The following DYNC1I1 variants were observed in gnomAD, a reference collection of about 807,000 sequenced individuals.
DYNC1I1 encodes the protein cytoplasmic dynein 1 intermediate chain 1.
In DYNC1I1, 43 loss-of-function variants were observed where a neutral mutation model predicts 86.6. That is an observed-to-expected ratio of 0.50 (90% CI 0.39 to 0.64). DYNC1I1 has a LOEUF of 0.64. Among genes scored for constraint, DYNC1I1 ranks in the 30% least tolerant of loss-of-function variants. The pLI, the probability that DYNC1I1 is intolerant of heterozygous loss-of-function variation, is 0.00. For missense variants in DYNC1I1, 604 were observed against 788.8 expected (o/e 0.77, Z 2.81); for synonymous variants, 262 against 283.7 (o/e 0.92, Z 0.77).
chr7:95,899,284 C>A (rs1255055223), intron 6 of DYNC1I1, among the ~76,000 whole-genome samples: 1 of 152,178 alleles, frequency 6.6e-6, no homozygotes, highest in African/African-American at 2.4e-5. Context: ...AGTAATCTTG[C>A]TCTGCATAAG....
intron 16 of DYNC1I1, among the ~76,000 whole-genome samples, chr7:96,081,110 A>G (rs1024277658): frequency 6.7e-6 from 1 of 149,430 alleles, no homozygotes; most frequent in Non-Finnish European, 1.5e-5. Context: ...TTTGCCAAAT[A>G]TATCATGCTA....
chr7:95,985,081 A>T, intron 8 of DYNC1I1, 104 bp downstream of exon 8: 1 of 1,518,606 alleles, frequency 6.6e-7, no homozygotes, highest in Non-Finnish European at 8.9e-7. Context: ...AAATCAGAGG[A>T]GGGTGAAATT....
chr7:96,012,276 A>C (rs183698343), intron 10 of DYNC1I1, among the ~76,000 whole-genome samples: 1 of 152,336 alleles, frequency 6.6e-6, no homozygotes, highest in Admixed American at 6.5e-5. Context: ...TGCAAATAAC[A>C]GCAGAGTTTG....
At chr7:95,863,896 A>G (rs986153896) in intron 5 of DYNC1I1, among the ~76,000 whole-genome samples, 1 of 152,116 alleles carries the variant, frequency 6.6e-6, no homozygotes. Context: ...TCATAGTACT[A>G]AAAATAGTAC....
intron 16 of DYNC1I1, among the ~76,000 whole-genome samples, chr7:96,081,854 G>T (rs1360263438): frequency 6.6e-6 from 1 of 151,982 alleles, no homozygotes; most frequent in Admixed American, 6.6e-5. Flanking sequence ...ATTCAGCCAG[G>T]AACAAAAACC....
At chr7:95,870,721 C>T (rs1023000628) in intron 6 of DYNC1I1, among the ~76,000 whole-genome samples, 3 of 152,120 alleles carry the variant, frequency 2.0e-5, no homozygotes, top group Non-Finnish European at 2.9e-5. Context: ...AAGTCACATA[C>T]GGGTATCAGA....
chr7:95,943,802 G>A (rs1444331104), intron 6 of DYNC1I1, among the ~76,000 whole-genome samples: 2 of 151,366 alleles, frequency 1.3e-5, no homozygotes, highest in Admixed American at 6.6e-5. Context: ...AAATGGTGCT[G>A]AGAAAACTGG....
At chr7:96,089,796 C>G (rs946328448) in intron 16 of DYNC1I1, among the ~76,000 whole-genome samples, 2 of 152,042 alleles carry the variant, frequency 1.3e-5, no homozygotes, top group Admixed American at 1.3e-4. Context: ...TCTTTTATTA[C>G]CTTGGTAAAT....
intron 5 of DYNC1I1, among the ~76,000 whole-genome samples, chr7:95,836,607 G>A (rs1466536372): frequency 2.6e-5 from 4 of 152,050 alleles, no homozygotes; most frequent in South Asian, 2.1e-4. Flanking sequence ...AGGTACACCA[G>A]TCAGACGTAG....
At chr7:95,960,556 T>TAG (rs1332650855) in intron 6 of DYNC1I1, among the ~76,000 whole-genome samples, 2 of 152,194 alleles carry the variant, frequency 1.3e-5, no homozygotes, top group Non-Finnish European at 2.9e-5. Flanking sequence ...TCCTAGTGTA[T>TAG]AGAACACTTA....
At chr7:95,915,025 G>A (rs1188102260) in intron 6 of DYNC1I1, among the ~76,000 whole-genome samples, 3 of 152,124 alleles carry the variant, frequency 2.0e-5, no homozygotes, top group Admixed American at 6.6e-5. Flanking sequence ...GAGATCCATT[G>A]CTTGACCCTG....
chr7:96,028,318 C>T lies in DYNC1I1; in HGVS notation c.1113C>T (p.His371=). 1 of 1,598,096 alleles carries T rather than the reference C, an allele frequency of 6.3e-7. No homozygotes were observed. The part of the protein sequence containing the change: ...VQRTPLSAAA[H]THPVYCVNVV... The stretch of plus-strand genomic sequence containing the variant: ...GGACACCCTTATCAGCTGCTGCACA[C>T]ACGGTAATGCAAACTTTTGCCATAT... Residue 371 remains histidine (H), a synonymous_variant, in exon 11 of 17, where the codon CAC becomes CAT. Transcript: ENST00000447467.
At chr7:95,803,838 G>A (rs1186948107) in intron 1 of DYNC1I1, among the ~76,000 whole-genome samples, 1 of 152,132 alleles carries the variant, frequency 6.6e-6, no homozygotes, top group Non-Finnish European at 1.5e-5. Flanking sequence ...GAGCACAAAA[G>A]ACTCAAATAT....
chr7:95,896,326 A>G (rs1790882011), intron 6 of DYNC1I1, among the ~76,000 whole-genome samples: 2 of 152,172 alleles, frequency 1.3e-5, no homozygotes, highest in Admixed American at 6.5e-5. Context: ...CCTAAACATC[A>G]TGGCAAAATA....
At chr7:96,099,055 A>G (rs1429597637), downstream of DYNC1I1, among the ~76,000 whole-genome samples, 4 of 152,348 alleles carry the variant, frequency 2.6e-5, no homozygotes, top group South Asian at 4.1e-4. Context: ...TAGATAACAA[A>G]TGAGTATCTG....
chr7:95,804,886 G>T, intron 2 of DYNC1I1, 49 bp downstream of exon 2: 4 of 1,528,262 alleles, frequency 2.6e-6, no homozygotes, highest in South Asian at 1.2e-5. Flanking sequence ...AAAATCACTT[G>T]ATTCTGAGGG....
intron 5 of DYNC1I1, among the ~76,000 whole-genome samples, chr7:95,856,267 T>TC (rs1789719773): frequency 6.6e-6 from 1 of 152,212 alleles, no homozygotes; most frequent in African/African-American, 2.4e-5. Flanking sequence ...CCACATGTTG[T>TC]CCCCCTGGAC....
chr7:96,037,331 C>G (rs1794949257), intron 13 of DYNC1I1, among the ~76,000 whole-genome samples: 1 of 152,132 alleles, frequency 6.6e-6, no homozygotes, highest in African/African-American at 2.4e-5. Flanking sequence ...TGTTGTATGC[C>G]TACTTTGAGC....
At chr7:95,892,023 A>G (rs1790752837) in intron 6 of DYNC1I1, among the ~76,000 whole-genome samples, 2 of 152,088 alleles carry the variant, frequency 1.3e-5, no homozygotes. Flanking sequence ...GCTGGAGTGC[A>G]GTAGCATCAT....
Sources: gnomAD v4.1 joint callset for allele counts (sites outside exome capture counted in the v4.1 genomes callset) on GRCh38, gnomAD v4.1.1 for gene constraint, MANE v1.5 for transcripts, NCBI Gene and HGNC (gene_info 2026-07-23, HGNC 2026-07-21) for gene names.